C5: variants seen among roughly 807,000 people sequenced by gnomAD.
The protein encoded by C5 is complement C5.
Under a neutral mutation model 218.8 loss-of-function variants are expected in C5, and 140 were observed. That is an observed-to-expected ratio of 0.64 (90% confidence interval 0.56 to 0.74). C5 has a LOEUF of 0.74. C5 is among the 30% of genes least tolerant of loss of function. The pLI is 0.00. For synonymous variants in C5, 614 were observed against 682.3 expected (o/e 0.90, Z 1.56); for missense variants, 1,700 against 1,969.6 (o/e 0.86, Z 2.59).
Position 121,034,887 on chromosome 9 carries a change from T to G in C5, c.500A>C (p.Glu167Ala). ...RETVLTFIDP[E>A]GSEVDMVEEI... ...TTCTACCATGTCAACTTCTGATCCT[T>G]CAGGATCCTGTAAATAAAAACAAAC... Residue 167 changes from glutamate (E) to alanine (A), a missense_variant, in exon 5 of 41, where the codon GAA becomes GCA. Transcript: ENST00000223642. 6.4e-7 allele frequency: 1 copy of G among 1,568,068 alleles called. No homozygotes were observed.
chr9:121,035,194 C>CAACA (rs146910692), intron 4 of C5, among the ~76,000 whole-genome samples: 76 of 152,110 alleles, frequency 5.0e-4, no homozygotes, highest in African/African-American at 8.7e-4. Context: ...GTAAAAACAA[C>CAACA]AACAAACAAA....
chr9:121,073,699 A>G, the C5 span, among the ~76,000 whole-genome samples: 22 of 151,838 alleles, frequency 1.4e-4, no homozygotes, highest in Non-Finnish European at 2.5e-4. Flanking sequence ...TTTTTAGTAG[A>G]GACGGCGTTT....
At chr9:121,002,229 T>C (rs868207069) in intron 20 of C5, among the ~76,000 whole-genome samples, 9,113 of 61,046 alleles carry the variant, frequency 0.15, 398 homozygotes, top group South Asian at 0.31. Context: ...TATATATATA[T>C]GTATATATGT....
At chr9:120,984,759 T>C (rs1041810566) in intron 25 of C5, among the ~76,000 whole-genome samples, 3 of 143,762 alleles carry the variant, frequency 2.1e-5, no homozygotes, top group African/African-American at 7.8e-5. Flanking sequence ...TCTCTCTCTG[T>C]TGCCCAGGCT....
intron 8 of C5, chr9:121,026,035 C>T (rs980960588): frequency 1.3e-5 from 2 of 153,442 alleles, no homozygotes; most frequent in African/African-American, 2.4e-5. Flanking sequence ...ATTATTAACA[C>T]AACAGTAAAA....
chr9:121,033,658 C>T (rs1240567670), intron 5 of C5, among the ~76,000 whole-genome samples: 1 of 152,146 alleles, frequency 6.6e-6, no homozygotes, highest in Non-Finnish European at 1.5e-5. Flanking sequence ...GTAGTATTTT[C>T]AAGAATGTAC....
the C5 span, among the ~76,000 whole-genome samples, chr9:121,070,272 G>A: frequency 1.3e-5 from 2 of 151,464 alleles, no homozygotes; most frequent in Middle Eastern, 3.4e-3. Flanking sequence ...CAGGAGAATC[G>A]CTTGAACCTA....
intron 4 of C5, among the ~76,000 whole-genome samples, chr9:121,035,760 G>C (rs2047519171): frequency 6.6e-6 from 1 of 150,656 alleles, no homozygotes; most frequent in South Asian, 2.1e-4. Flanking sequence ...ATTTTTAGTA[G>C]AGATGAGGTC....
At chr9:120,954,034 G>C (rs979617884) in intron 39 of C5, among the ~76,000 whole-genome samples, 166 bp from the exon 40 acceptor site, 3 of 152,188 alleles carry the variant, frequency 2.0e-5, no homozygotes, top group Non-Finnish European at 2.9e-5. Context: ...CAGACTGCCT[G>C]GGTTAAACTC....
At chr9:121,067,767 G>C in the C5 span, among the ~76,000 whole-genome samples, 1 of 151,948 alleles carries the variant, frequency 6.6e-6, no homozygotes, top group African/African-American at 2.4e-5. Context: ...GAGAGCTGAT[G>C]GTTTAATAGT....
intron 2 of C5, among the ~76,000 whole-genome samples, chr9:121,043,705 T>TA (rs1331300829): frequency 6.7e-6 from 1 of 149,296 alleles, no homozygotes; most frequent in Non-Finnish European, 1.5e-5. Flanking sequence ...GCTAACTTTT[T>TA]TTTTTTTTTT....
chr9:120,991,169 A>C (rs748199483), intron 23 of C5, 22 bp downstream of exon 23: 1 of 1,345,770 alleles, frequency 7.4e-7, no homozygotes, highest in South Asian at 1.2e-5. Context: ...ATGAGAAATA[A>C]AAATGGCATT....
intron 33 of C5, among the ~76,000 whole-genome samples, chr9:120,965,695 T>G (rs1206975649): frequency 1.3e-5 from 2 of 152,134 alleles, no homozygotes; most frequent in Admixed American, 1.3e-4. Context: ...TATAAAACAC[T>G]TGGAACTCTA....
At chr9:121,046,101 C>A in intron 2 of C5, 90 bp downstream of exon 2, 1 of 642,138 alleles carries the variant, frequency 1.6e-6, no homozygotes, top group South Asian at 2.4e-5. Flanking sequence ...ATGATTAAAT[C>A]TATATGTTAT....
Position 120,989,145 on chromosome 9 carries a change from A to G in C5, c.3155-24T>C, listed in dbSNP as rs773524263. 57 of 1,563,140 alleles carry G rather than the reference A, an allele frequency of 3.6e-5. No homozygotes were observed. In the South Asian group the frequency reaches 6.1e-4, roughly 17 times the overall value. ...CCCTAAGAAGCACAAGAAAAAGAAC[A>G]CGGTGCTTAACAGACCTCCGTTTCT... On this transcript the variant is annotated intron_variant, in intron 24 of 40. Coordinates refer to ENST00000223642, the MANE Select transcript of C5 (RefSeq NM_001735.3).
intron 4 of C5, 129 bp downstream of exon 4, chr9:121,037,752 A>G: frequency 1.9e-6 from 1 of 538,562 alleles, no homozygotes; most frequent in South Asian, 3.1e-5. Context: ...TTCTATACTC[A>G]TTGCAGATGT....
chr9:120,964,293 C>T (rs1440658018), intron 33 of C5, among the ~76,000 whole-genome samples: 1 of 152,210 alleles, frequency 6.6e-6, no homozygotes, highest in Non-Finnish European at 1.5e-5. Flanking sequence ...GCCTGGCTAA[C>T]ACGGTGAAAC....
At chr9:120,967,380 G>A (rs977431293) in intron 33 of C5, among the ~76,000 whole-genome samples, 1 of 152,042 alleles carries the variant, frequency 6.6e-6, no homozygotes, top group South Asian at 2.1e-4. Flanking sequence ...TATCTCTTTG[G>A]GTCTTAGTTT....
In C5 at chr9:120,974,784, C is replaced by T. The variant is rs1425675502; in HGVS notation, c.4012G>A (p.Val1338Ile). 7 of 1,613,294 alleles carry T rather than the reference C, an allele frequency of 4.3e-6. No individual in the cohort carries two copies. The highest frequency in any genetic ancestry group is 5.9e-6 in the Non-Finnish European group (7 of 1,179,346). The change falls in exon 30 of 41, where the codon GTA (valine) becomes ATA (isoleucine). Residue 1338 changes from valine (V) to isoleucine (I), a missense_variant. Physicochemically the swap from Val to Ile is conservative, Grantham distance 29 (BLOSUM62 3). Coordinates refer to ENST00000223642, the MANE Select transcript of C5 (RefSeq NM_001735.3). ...MTDKNFLGRP[V>I]EVLLNDDLIV... ...ACAGAAAGTTCTTCATTTACCTCTACTGGCCTCCCAAGGAAATTCTTGTCT... is the reference window on the plus strand; with the variant it reads ...ACAGAAAGTTCTTCATTTACCTCTATTGGCCTCCCAAGGAAATTCTTGTCT...
Sources: allele counts gnomAD v4.1 joint callset (sites outside exome capture counted in the v4.1 genomes callset), GRCh38; gene constraint gnomAD v4.1.1; transcripts MANE v1.5; gene names NCBI Gene and HGNC (gene_info 2026-07-23, HGNC 2026-07-21).